The following COL5A3 variants were observed in gnomAD, a reference collection of about 807,000 sequenced individuals.
The protein encoded by COL5A3 is collagen type V alpha 3 chain.
In COL5A3, 172 loss-of-function variants were observed where a neutral mutation model predicts 250.0. That is an observed-to-expected ratio of 0.69 (90% confidence interval 0.61 to 0.78). The LOEUF is 0.78. Among genes scored for constraint, COL5A3 ranks in the 30% least tolerant of loss-of-function variants. The pLI, the probability that COL5A3 is intolerant of heterozygous loss-of-function variation, is 0.00. For synonymous variants in COL5A3, 937 were observed against 900.4 expected (o/e 1.04, Z -0.73); for missense variants, 2,340 against 2,334.4 (o/e 1.00, Z -0.05).
intron 26 of COL5A3, 25 bp from the exon 27 acceptor site, chr19:9,989,202 C>T (rs2087151583): frequency 6.2e-7 from 1 of 1,613,790 alleles, no homozygotes; most frequent in Non-Finnish European, 8.5e-7. Context: ...AGGTCAGTGC[C>T]ATTCTAGACA....
Position 9,989,112 on chromosome 19 carries a change from C to A in COL5A3, c.2145+12G>T, listed in dbSNP as rs199849138. The A allele has an allele frequency of 3.5e-4, 559 of 1,613,786 alleles. 4 individuals carry two copies. In the African/African-American group the frequency reaches 6.4e-3, roughly 19 times the overall value. On this transcript the variant is annotated intron_variant, in intron 27 of 66. Transcript: ENST00000264828. Reference sequence around the variant, plus strand: ...CTGGTAAATCACTCATACCTGCAAGCGTATCACCTACCTTCACTCCCCGAG... The same window carrying A: ...CTGGTAAATCACTCATACCTGCAAGAGTATCACCTACCTTCACTCCCCGAG...
At position 9,966,696 on chromosome 19, in the gene COL5A3, T is replaced by TG; in HGVS notation, c.4508dup (p.Val1504SerfsTer53). ...CGCCCTCCACGACTGGAAGCGGGAC[T>TG]GGGACGAAGCGCCGGCGCCTGCGCA... On this transcript the variant is annotated frameshift_variant, in exon 63 of 67. Coordinates refer to ENST00000264828, the MANE Select transcript of COL5A3 (RefSeq NM_015719.4). LOFTEE classifies it high-confidence loss of function. 4 of 1,538,018 alleles carry TG rather than the reference T, an allele frequency of 2.6e-6. No homozygotes were observed. Among genetic ancestry groups the TG allele is most frequent in the Non-Finnish European group, 3.5e-6 (4 of 1,147,554 alleles).
At chr19:9,976,655 G>A in intron 44 of COL5A3, 44 bp from the exon 45 acceptor site, 2 of 1,476,202 alleles carry the variant, frequency 1.4e-6, no homozygotes, top group Non-Finnish European at 1.8e-6. Flanking sequence ...TCAGGTTTAA[G>A]ATTAGAGAGG....
chr19:9,979,194 C>T lies in COL5A3; in HGVS notation c.2812G>A (p.Gly938Ser). 4 of 1,604,032 alleles carry T rather than the reference C, an allele frequency of 2.5e-6. No individual in the cohort carries two copies. The highest frequency in any genetic ancestry group is 3.4e-6 in the Non-Finnish European group (4 of 1,177,280). The change falls in exon 39 of 67, where the codon GGC becomes AGC. Residue 938 changes from glycine (G) to serine (S), a missense_variant. Coordinates refer to ENST00000264828, the MANE Select transcript of COL5A3 (RefSeq NM_015719.4). ...TGTTCACCAGGAGGTCCAGGGGGGCCTGGAGGCCCCCTTTCACCTAGAGGT... is the reference window on the plus strand; with the variant it reads ...TGTTCACCAGGAGGTCCAGGGGGGCTTGGAGGCCCCCTTTCACCTAGAGGT... ...VGPLGERGPPGPPGPPGEQGL... is the reference protein window; with the variant it reads ...VGPLGERGPPSPPGPPGEQGL...
chr19:9,991,333 G>GTAATA (rs2087185428), intron 24 of COL5A3, among the ~76,000 whole-genome samples: 2 of 152,228 alleles, frequency 1.3e-5, no homozygotes, highest in Admixed American at 1.3e-4. Flanking sequence ...AGACCCACAG[G>GTAATA]GCCTGTGCCT....
In COL5A3 at chr19:9,969,348, C is replaced by A. The variant is rs536429057; in HGVS notation, c.4152+1G>T. Reference sequence around the variant, plus strand: ...ACCTCAAGGATGAACAAGTCTCTTACCAGGGGGCCAGGAGGGCCCATCTGT... The same window carrying A: ...ACCTCAAGGATGAACAAGTCTCTTAACAGGGGGCCAGGAGGGCCCATCTGT... On this transcript the variant is annotated splice_donor_variant, in intron 57 of 66. Coordinates refer to ENST00000264828, the MANE Select transcript of COL5A3 (RefSeq NM_015719.4). LOFTEE classifies it high-confidence loss of function. 1.9e-6 allele frequency: 3 copies of A among 1,594,324 alleles called. No individual in the cohort carries two copies. The highest frequency in any genetic ancestry group is 1.1e-5 in the South Asian group (1 of 88,130).
intron 4 of COL5A3, 44 bp from the exon 5 acceptor site, chr19:10,004,189 C>T: frequency 6.9e-7 from 1 of 1,454,842 alleles, no homozygotes; most frequent in Non-Finnish European, 9.6e-7. Flanking sequence ...AGCCATACAG[C>T]CATAGGCTTA....
chr19:9,999,157 TTCCTTCCTTCC>T (rs2087317402), intron 8 of COL5A3, among the ~76,000 whole-genome samples: 1 of 148,730 alleles, frequency 6.7e-6, no homozygotes, highest in Non-Finnish European at 1.5e-5. Flanking sequence ...CCTTCCTTCC[TTCCTTCCTTCC>T]TTCCTTCTCT....
intron 21 of COL5A3, among the ~76,000 whole-genome samples, 194 bp downstream of exon 21, chr19:9,992,633 C>T (rs1285668035): frequency 6.6e-6 from 1 of 151,922 alleles, no homozygotes; most frequent in Middle Eastern, 3.4e-3. Context: ...AAAAATTAGC[C>T]AGGTGTGCTG....
chr19:9,992,969 T>A (rs2087215659), intron 20 of COL5A3, 54 bp downstream of exon 20: 24 of 1,608,302 alleles, frequency 1.5e-5, no homozygotes, highest in Non-Finnish European at 2.0e-5. Context: ...GCCCTGGGAG[T>A]CCTGACTCCC....
rs1332760648 is a variant in COL5A3 at position 9,980,022 on chromosome 19, G to A, written c.2630C>T (p.Pro877Leu). The A allele has an allele frequency of 6.3e-7, 1 of 1,591,858 alleles. No individual in the cohort carries two copies. Among genetic ancestry groups the A allele is most frequent in the East Asian group, 2.3e-5 (1 of 44,396 alleles). ...GGGGCCCTTTGGCCCAGGGAATCCT[G>A]GAGGGCCTTGCAGACCAGGGAGGCC... is the stretch of plus-strand genomic sequence containing the variant. Reference protein sequence around the residue: ...EKGLPGLQGPPGFPGPKGPPG... With the variant: ...EKGLPGLQGPLGFPGPKGPPG... Residue 877 changes from proline to leucine, a missense_variant, in exon 36 of 67, where the codon CCA (proline) becomes CTA (leucine). By Grantham distance (98) the Pro-to-Leu change is moderately conservative. Transcript: ENST00000264828.
Position 9,977,671 on chromosome 19 carries a change from G to A in COL5A3, c.3049C>T (p.Pro1017Ser). 1 of 1,606,672 alleles carries A rather than the reference G, an allele frequency of 6.2e-7. No homozygotes were observed. The highest frequency in any genetic ancestry group is 8.5e-7 in the Non-Finnish European group (1 of 1,176,296). Residue 1017 changes from proline to serine, a missense_variant, in exon 42 of 67, where the codon CCA (proline) becomes TCA (serine). By Grantham distance (74) the Pro-to-Ser change is moderately conservative. Transcript: ENST00000264828. ...GSPGERGPLGPAGGIGLPGQS... is the reference protein window; with the variant it reads ...GSPGERGPLGSAGGIGLPGQS... Reference sequence around the variant, plus strand: ...CCAGGAAGTCCAATGCCTCCTGCTGGGCCCAAAGGACCGCGCTCACCAGGG... The same window carrying A: ...CCAGGAAGTCCAATGCCTCCTGCTGAGCCCAAAGGACCGCGCTCACCAGGG...
rs1291528103 is a variant in COL5A3, at chr19:10,006,154, G to T, written c.166C>A (p.Gln56Lys). Reference sequence around the variant, plus strand: ...GCCCGGTCACCCTCTGGAGTCCTCTGGGGACAGAAGCCAGGCCCCTCGGGG... The same window carrying T: ...GCCCGGTCACCCTCTGGAGTCCTCTTGGGACAGAAGCCAGGCCCCTCGGGG... The part of the protein sequence containing the change: ...GVPEGPGFCP[Q>K]RTPEGDRAFR... The change falls in exon 2 of 67, where the codon CAG becomes AAG. Residue 56 changes from glutamine to lysine, a missense_variant. By Grantham distance (53) the Gln-to-Lys change is moderately conservative (BLOSUM62 1). Around this residue, in one of 3 missense-constraint regions of COL5A3, gnomAD observed 1,152 missense variants for 1,146.3 expected, o/e 1.00. Coordinates refer to ENST00000264828, the MANE Select transcript of COL5A3 (RefSeq NM_015719.4). The T allele has an allele frequency of 1.2e-6, 2 of 1,611,864 alleles. No individual in the cohort carries two copies. The highest frequency in any genetic ancestry group is 3.4e-5 in the Admixed American group (2 of 59,672).
intron 45 of COL5A3, among the ~76,000 whole-genome samples, chr19:9,975,965 G>A (rs934502697): frequency 1.3e-5 from 2 of 151,600 alleles, no homozygotes; most frequent in Admixed American, 1.3e-4. Context: ...GACACGGTTG[G>A]GTCGGGATTG....
intron 31 of COL5A3, among the ~76,000 whole-genome samples, chr19:9,983,557 AAAG>A (rs1369137199): frequency 3.7e-5 from 3 of 81,360 alleles, no homozygotes; most frequent in Admixed American, 3.2e-4. Flanking sequence ...AGAAAGAAAG[AAAG>A]AAAGAAAGAA....
intron 30 of COL5A3, 69 bp downstream of exon 30, chr19:9,986,246 G>T: frequency 1.8e-6 from 2 of 1,107,112 alleles, no homozygotes; most frequent in Non-Finnish European, 2.6e-6. Context: ...TAATAAAAGG[G>T]CAAAGGGCAG....
chr19:9,973,482 A>C, intron 50 of COL5A3, 88 bp downstream of exon 50: 8 of 1,337,210 alleles, frequency 6.0e-6, no homozygotes, highest in Non-Finnish European at 8.3e-6. Flanking sequence ...ATGATCTTGC[A>C]CTGTCCAGAG....
At chr19:9,996,352 T>G in intron 13 of COL5A3, 81 bp downstream of exon 13, 1 of 1,561,832 alleles carries the variant, frequency 6.4e-7, no homozygotes, top group Non-Finnish European at 8.7e-7. Flanking sequence ...AATAACCCCC[T>G]TCTCCTGCCC....
At chr19:9,965,264 C>T (rs528643649) in intron 64 of COL5A3, among the ~76,000 whole-genome samples, 1 of 151,020 alleles carries the variant, frequency 6.6e-6, no homozygotes, top group African/African-American at 2.4e-5. Flanking sequence ...ACGCCATCCT[C>T]CTGCCTCAGC....
Sources: gnomAD v4.1 joint callset for allele counts (sites outside exome capture counted in the v4.1 genomes callset) on GRCh38, gnomAD v4.1.1 for gene constraint, gnomAD v4.1.1 regional missense constraint, MANE v1.5 for transcripts, NCBI Gene and HGNC (gene_info 2026-07-23, HGNC 2026-07-21) for gene names.